SGCZ: variants seen among roughly 807,000 people sequenced by gnomAD.
The protein encoded by SGCZ is zeta-sarcoglycan.
A neutral mutation model predicts 41.3 loss-of-function variants in SGCZ; 40 were observed. The ratio of observed to expected loss-of-function variants is 0.97; its 90% confidence interval spans 0.75 to 1.26. SGCZ has a LOEUF of 1.26. SGCZ is among the 50% of genes most tolerant of loss of function. SGCZ has a pLI of 0.00. For missense variants in SGCZ, 552 were observed against 369.8 expected (o/e 1.49, Z -4.04); for synonymous variants, 206 against 137.5 (o/e 1.50, Z -3.49).
intron 1 of SGCZ, among the ~76,000 whole-genome samples, chr8:15,070,817 A>G (rs559946621): frequency 6.6e-6 from 1 of 152,336 alleles, no homozygotes; most frequent in East Asian, 1.9e-4. Flanking sequence ...GTTTTAGAGA[A>G]CAACTTAGTA....
intron 1 of SGCZ, among the ~76,000 whole-genome samples, chr8:14,651,442 C>G (rs1347663862): frequency 6.6e-6 from 1 of 152,016 alleles, no homozygotes; most frequent in Non-Finnish European, 1.5e-5. Flanking sequence ...AAAATGTTTT[C>G]TGATCAAAAC....
In SGCZ at chr8:14,883,239, A is replaced by G. The variant is rs116213207; in HGVS notation, c.40-328313T>C. Among the ~76,000 whole-genome samples, 1,167 of 151,446 alleles carry G rather than the reference A, an allele frequency of 7.7e-3. 17 individuals carry two copies. The highest frequency in any genetic ancestry group is 0.027 in the African/African-American group (1,095 of 41,264). ...TCGCCTCAATGTTGGGCTACTTAAA[A>G]AAAAAAAAAAACCACAGAGTGCAAA... is the stretch of plus-strand genomic sequence containing the variant. On this transcript the variant is annotated intron_variant, in intron 1 of 7. Transcript: ENST00000382080.
chr8:15,061,246 C>A (rs1658307078), intron 1 of SGCZ, among the ~76,000 whole-genome samples: 1 of 152,228 alleles, frequency 6.6e-6, no homozygotes, highest in South Asian at 2.1e-4. Flanking sequence ...AGGATTAGAG[C>A]CCCTACAAAT....
intron 1 of SGCZ, among the ~76,000 whole-genome samples, chr8:15,049,584 T>C (rs767288770): frequency 1.3e-4 from 20 of 152,124 alleles, no homozygotes; most frequent in Non-Finnish European, 2.5e-4. Context: ...GGAGACCAAT[T>C]AGGCAGAGAT....
intron 2 of SGCZ, among the ~76,000 whole-genome samples, chr8:14,398,120 C>T (rs1009518079): frequency 6.6e-6 from 1 of 152,052 alleles, no homozygotes; most frequent in African/African-American, 2.4e-5. Flanking sequence ...TCTAGATTTT[C>T]CCTGTCTGGA....
intron 3 of SGCZ, among the ~76,000 whole-genome samples, chr8:14,273,927 A>T (rs1009126669): frequency 1.3e-5 from 2 of 152,190 alleles, no homozygotes; most frequent in Non-Finnish European, 2.9e-5. Flanking sequence ...AGAAAAACTG[A>T]ACTATTTTTA....
intron 1 of SGCZ, among the ~76,000 whole-genome samples, chr8:15,128,147 G>A (rs912395577): frequency 6.6e-6 from 1 of 151,996 alleles, no homozygotes; most frequent in Non-Finnish European, 1.5e-5. Flanking sequence ...CACAAGAGCT[G>A]GACCACATTG....
At chr8:15,057,695 A>G (rs1020283764) in intron 1 of SGCZ, among the ~76,000 whole-genome samples, 2 of 152,254 alleles carry the variant, frequency 1.3e-5, no homozygotes, top group Non-Finnish European at 2.9e-5. Context: ...TGTAAATTAG[A>G]TGACAGCTAA....
chr8:14,706,589 T>C (rs903050946), intron 1 of SGCZ, among the ~76,000 whole-genome samples: 1 of 152,096 alleles, frequency 6.6e-6, no homozygotes, highest in Non-Finnish European at 1.5e-5. Context: ...AAGTTGGAAT[T>C]TGAAGCTCTA....
At chr8:15,230,608 G>C (rs542205439) in intron 1 of SGCZ, among the ~76,000 whole-genome samples, 1 of 152,138 alleles carries the variant, frequency 6.6e-6, no homozygotes, top group Non-Finnish European at 1.5e-5. Context: ...ATACAAAAAC[G>C]TCATTTTTGA....
At chr8:15,128,344 T>G (rs539634866) in intron 1 of SGCZ, among the ~76,000 whole-genome samples, 1 of 152,376 alleles carries the variant, frequency 6.6e-6, no homozygotes, top group African/African-American at 2.4e-5. Context: ...CCATTTATTC[T>G]CAGCATTTTA....
intron 2 of SGCZ, among the ~76,000 whole-genome samples, chr8:14,554,083 C>G (rs999120815): frequency 5.9e-5 from 9 of 152,052 alleles, no homozygotes; most frequent in African/African-American, 2.2e-4. Flanking sequence ...ATTCAGTAAA[C>G]TGCAGCAAAC....
chr8:14,751,856 C>T (rs887707837), intron 1 of SGCZ, among the ~76,000 whole-genome samples: 29 of 151,558 alleles, frequency 1.9e-4, no homozygotes, highest in African/African-American at 6.1e-4. Flanking sequence ...GCCATGAACC[C>T]GGGAGGCAGA....
At chr8:14,966,142 A>G (rs577447582) in intron 1 of SGCZ, among the ~76,000 whole-genome samples, 57 of 152,100 alleles carry the variant, frequency 3.7e-4, no homozygotes, top group South Asian at 8.3e-4. Context: ...TAAATAAATT[A>G]GGAAATAAAA....
chr8:14,341,680 G>A lies in SGCZ; in HGVS notation c.235-17476C>T, dbSNP rs552463375. On this transcript the variant is annotated intron_variant, in intron 2 of 7. Coordinates refer to ENST00000382080, the MANE Select transcript of SGCZ (RefSeq NM_139167.4). ...CATGTGTTATAGGAGGGACCCAAGA[G>A]GAAGTAATTGAATCATGGGGGCCAG... is the stretch of plus-strand genomic sequence containing the variant. Among the ~76,000 whole-genome samples, 9 of 152,266 alleles carry A rather than the reference G, an allele frequency of 5.9e-5. No homozygotes were observed. The South Asian group carries it at 1.7e-3, about 28-fold the overall frequency.
intron 1 of SGCZ, among the ~76,000 whole-genome samples, chr8:14,843,950 AAAG>A (rs1803012592): frequency 6.6e-6 from 1 of 151,838 alleles, no homozygotes; most frequent in Non-Finnish European, 1.5e-5. Flanking sequence ...TTTAGGAAGG[AAAG>A]AAGATTTGAT....
At chr8:15,093,004 G>T (rs934019955) in intron 1 of SGCZ, among the ~76,000 whole-genome samples, 4 of 152,112 alleles carry the variant, frequency 2.6e-5, no homozygotes, top group African/African-American at 9.7e-5. Context: ...CACGCTTTTA[G>T]TATCACACTC....
At position 14,141,247 on chromosome 8, in the gene SGCZ, A is replaced by G. The variant is rs371276219; in HGVS notation, c.547+23333T>C. ...GAAGGAAACCTATACCATTCAGGAC[A>G]CAGGCATGGGCAAGAACTTCAGGAC... is the stretch of plus-strand genomic sequence containing the variant. On this transcript the variant is annotated intron_variant, in intron 5 of 7. Transcript: ENST00000382080. Among the ~76,000 whole-genome samples, 20 of 152,258 alleles carry G rather than the reference A, an allele frequency of 1.3e-4. No homozygotes were observed. In the East Asian group the frequency reaches 1.9e-3, roughly 15 times the overall value.
At chr8:14,773,373 A>C (rs1177902926) in intron 1 of SGCZ, among the ~76,000 whole-genome samples, 1 of 152,166 alleles carries the variant, frequency 6.6e-6, no homozygotes, top group Non-Finnish European at 1.5e-5. Context: ...ACTACAACCC[A>C]GTTATGAGAG....
Sources: allele counts gnomAD v4.1 joint callset (sites outside exome capture counted in the v4.1 genomes callset), GRCh38; gene constraint gnomAD v4.1.1; transcripts MANE v1.5; gene names NCBI Gene and HGNC (gene_info 2026-07-23, HGNC 2026-07-21).